Variants in PEPD observed in about 807,000 individuals in gnomAD.
PEPD encodes xaa-Pro dipeptidase.
PEPD carries 53 observed loss-of-function variants against 60.7 expected under a neutral mutation model. That is an observed-to-expected ratio of 0.87 (90% confidence interval 0.70 to 1.10). The LOEUF (loss-of-function observed/expected upper bound fraction) is 1.10. Ranked by LOEUF, PEPD falls within the 50% of genes least tolerant of loss-of-function variation. PEPD has a pLI of 0.00. For missense variants in PEPD, 711 were observed against 711.9 expected, an observed-to-expected ratio of 1.00 and a Z score of 0.01; for synonymous variants, 267 against 284.1, an observed-to-expected ratio of 0.94 and a Z score of 0.60.
intron 8 of PEPD, 73 bp from the exon 9 acceptor site, chr19:33,463,114 G>A: frequency 2.2e-6 from 2 of 907,900 alleles, no homozygotes; most frequent in Admixed American, 1.7e-5. Flanking sequence ...ATAACATACA[G>A]CACTTCTTCA....
At chr19:33,502,952 C>CGG (rs71181361) in intron 3 of PEPD, among the ~76,000 whole-genome samples, 22,890 of 77,100 alleles carry the variant, frequency 0.3, 2,609 homozygotes, top group Middle Eastern at 0.35. Flanking sequence ...AACTGGGGGG[C>CGG]GGGGGGGGGT....
At position 33,464,027 on chromosome 19, in the gene PEPD, A is replaced by T. The variant is rs1381189367; in HGVS notation, c.584T>A (p.Leu195Gln). The part of the protein sequence containing the change: ...VFKTDMELEV[L>Q]RYTNKISSEA... Reference sequence around the variant, plus strand: ...GCTGGAGATTTTATTGGTATAGCGCAGAACCTCCAGCTCCATATCCGTCTT... The same window carrying T: ...GCTGGAGATTTTATTGGTATAGCGCTGAACCTCCAGCTCCATATCCGTCTT... Residue 195 changes from leucine to glutamine, a missense_variant, in exon 8 of 15, where the codon CTG becomes CAG. Leu to Gln is a moderately radical substitution (Grantham distance 113). Coordinates refer to ENST00000244137, the MANE Select transcript of PEPD (RefSeq NM_000285.4). 4 of 1,613,484 alleles carry T rather than the reference A, an allele frequency of 2.5e-6. No individual in the cohort carries two copies. The highest frequency in any genetic ancestry group is 3.4e-6 in the Non-Finnish European group (4 of 1,179,528).
chr19:33,465,624 T>C (rs1379108247), intron 7 of PEPD, among the ~76,000 whole-genome samples: 2 of 152,172 alleles, frequency 1.3e-5, no homozygotes, highest in Non-Finnish European at 2.9e-5. Flanking sequence ...ACACACACGC[T>C]GATCCTGAGA....
chr19:33,457,424 T>A (rs78197115), intron 9 of PEPD, among the ~76,000 whole-genome samples: 1 of 152,126 alleles, frequency 6.6e-6, no homozygotes, highest in Non-Finnish European at 1.5e-5. Flanking sequence ...CCACGCCCCC[T>A]GCAGTCCTGA....
At chr19:33,421,552 G>A (rs1022772754) in intron 9 of PEPD, among the ~76,000 whole-genome samples, 2 of 152,142 alleles carry the variant, frequency 1.3e-5, no homozygotes, top group Non-Finnish European at 2.9e-5. Flanking sequence ...GTGAAGTGGT[G>A]CAATCACAGC....
chr19:33,393,435 A>G (rs16968074), intron 12 of PEPD, among the ~76,000 whole-genome samples: 50,014 of 150,686 alleles, frequency 0.33, 8,799 homozygotes, highest in African/African-American at 0.46. Flanking sequence ...GAGGGGCACA[A>G]CATCCCGGAA....
chr19:33,391,235 G>A (rs891349424), intron 13 of PEPD, 60 bp downstream of exon 13: 45 of 1,386,530 alleles, frequency 3.2e-5, no homozygotes, highest in Admixed American at 1.3e-4. Context: ...CCCTGCCCTG[G>A]GGGTCAGGCT....
At chr19:33,506,263 AC>A (rs1970806632) in intron 3 of PEPD, among the ~76,000 whole-genome samples, 1 of 130,346 alleles carries the variant, frequency 7.7e-6, no homozygotes, top group African/African-American at 3.0e-5. Flanking sequence ...CACCCACTAC[AC>A]CCCATCACAA....
chr19:33,512,525 C>G (rs1377851748), intron 2 of PEPD, 68 bp downstream of exon 2: 16 of 1,518,800 alleles, frequency 1.1e-5, no homozygotes, highest in African/African-American at 1.4e-5. Flanking sequence ...GCTGGGGCCT[C>G]CAACTCCTGC....
At chr19:33,430,113 C>T (rs1969237973) in intron 9 of PEPD, among the ~76,000 whole-genome samples, 1 of 152,176 alleles carries the variant, frequency 6.6e-6, no homozygotes, top group Admixed American at 6.5e-5. Context: ...CTCTATAATG[C>T]AGAGAGGATG....
chr19:33,392,796 T>C (rs1968256994), intron 12 of PEPD, among the ~76,000 whole-genome samples: 1 of 152,084 alleles, frequency 6.6e-6, no homozygotes, highest in South Asian at 2.1e-4. Context: ...TCTGAACCTC[T>C]GTGGCTGGCG....
chr19:33,487,501 G>A (rs1342027546), intron 6 of PEPD: 1 of 152,340 alleles, frequency 6.6e-6, no homozygotes, highest in Non-Finnish European at 1.5e-5. Flanking sequence ...ATGGCCACGA[G>A]GGTTCTCACC....
chr19:33,484,447 G>A (rs769736221), intron 6 of PEPD, among the ~76,000 whole-genome samples: 4 of 152,052 alleles, frequency 2.6e-5, no homozygotes, highest in Non-Finnish European at 5.9e-5. Context: ...ATGCACACAC[G>A]CAGACACACA....
intron 12 of PEPD, among the ~76,000 whole-genome samples, chr19:33,391,788 G>A (rs1277628069): frequency 7.2e-5 from 11 of 152,206 alleles, no homozygotes; most frequent in Non-Finnish European, 1.0e-4. Context: ...CCCATGGTGT[G>A]TCCACCCTGA....
chr19:33,443,630 AT>A (rs1969527592), intron 9 of PEPD, among the ~76,000 whole-genome samples: 1 of 152,204 alleles, frequency 6.6e-6, no homozygotes, highest in Non-Finnish European at 1.5e-5. Flanking sequence ...AAGATAGGAA[AT>A]TTTTTGAAAA....
intron 4 of PEPD, 52 bp downstream of exon 4, chr19:33,500,886 G>A: frequency 2.0e-6 from 2 of 1,013,806 alleles, no homozygotes; most frequent in East Asian, 2.4e-5. Context: ...CTCCAGGAGT[G>A]GAAGGCATGC....
intron 9 of PEPD, among the ~76,000 whole-genome samples, chr19:33,450,785 C>T (rs1360020993): frequency 2.0e-5 from 3 of 152,150 alleles, no homozygotes; most frequent in East Asian, 3.9e-4. Flanking sequence ...AGGCAGGAGG[C>T]GGGACTTGAC....
intron 9 of PEPD, among the ~76,000 whole-genome samples, chr19:33,461,688 G>A (rs1350330019): frequency 6.6e-6 from 1 of 152,218 alleles, no homozygotes; most frequent in East Asian, 1.9e-4. Context: ...AGCCCACCTC[G>A]CTGGAGGAGC....
chr19:33,521,614 G>A (rs1179655919), intron 1 of PEPD, 130 bp downstream of exon 1: 2 of 1,034,136 alleles, frequency 1.9e-6, no homozygotes, highest in East Asian at 2.6e-5. Context: ...TGGGACTCCG[G>A]GCCAACGGGA....
Sources: allele counts gnomAD v4.1 joint callset (sites outside exome capture counted in the v4.1 genomes callset), GRCh38; gene constraint gnomAD v4.1.1; transcripts MANE v1.5; gene names NCBI Gene and HGNC (gene_info 2026-07-23, HGNC 2026-07-21).